VSIG1: variants seen among roughly 807,000 people sequenced by gnomAD.
The protein encoded by VSIG1 is V-set and immunoglobulin domain-containing protein 1.
In VSIG1, 11 loss-of-function variants were observed where a neutral mutation model predicts 20.1. The ratio of observed to expected loss-of-function variants is 0.55; its 90% CI spans 0.34 to 0.91. The LOEUF (loss-of-function observed/expected upper bound fraction) is 0.91, where lower values mean the gene tolerates loss of function less well. VSIG1 is among the 40% of genes least tolerant of loss of function. VSIG1 has a pLI of 0.02. For synonymous variants in VSIG1, 126 were observed against 116.7 expected, an observed-to-expected ratio of 1.08 and a Z score of -0.52; for missense variants, 283 against 298.8, an observed-to-expected ratio of 0.95 and a Z score of 0.39.
the VSIG1 span, among the ~76,000 whole-genome samples, chrX:108,024,569 T>C: frequency 3.6e-5 from 4 of 109,715 alleles, no homozygotes; most frequent in African/African-American, 1.3e-4. Context: ...CTTCTTTTTG[T>C]AATGTAGGTA....
rs566791842 is a variant in VSIG1 at position 108,047,445 on chromosome X, A to C, written c.49+2266A>C. Among the ~76,000 whole-genome samples the C allele has an allele frequency of 1.9e-4, 21 of 111,140 alleles. No individual in the cohort carries two copies. In the South Asian group the frequency reaches 7.9e-3, roughly 42 times the overall value. ...AATATGTATTAGTCACCTCTTAGAA[A>C]GATATGTTAATGTGGGTTTCATTTT... On this transcript the variant is annotated intron_variant, in intron 1 of 6. Coordinates refer to ENST00000217957, the MANE Select transcript of VSIG1 (RefSeq NM_182607.5).
rs760909535 is a variant in VSIG1 at position 108,049,014 on chromosome X, G to A, written c.49+3835G>A. ...CTGAAGCATATCATCACTATATCATGGTTGGACAATGTCTGAAAAACATCT... is the reference window on the plus strand; with the variant it reads ...CTGAAGCATATCATCACTATATCATAGTTGGACAATGTCTGAAAAACATCT... On this transcript the variant is annotated intron_variant, in intron 1 of 6. Transcript: ENST00000217957. Among the ~76,000 whole-genome samples, 11 of 112,198 alleles carry A rather than the reference G, an allele frequency of 9.8e-5. No individual in the cohort carries two copies. The Admixed American group carries it at 1.0e-3, about 11-fold the overall frequency.
chrX:108,048,520 T>C (rs1310266703), intron 1 of VSIG1, among the ~76,000 whole-genome samples: 1 of 112,332 alleles, frequency 8.9e-6, no homozygotes, highest in Admixed American at 9.4e-5. Context: ...GGACATTGCG[T>C]TCTTGGGTTT....
At chrX:108,046,980 T>A (rs1017122396) in intron 1 of VSIG1, among the ~76,000 whole-genome samples, 12 of 110,884 alleles carry the variant, frequency 1.1e-4, no homozygotes, top group Non-Finnish European at 2.1e-4. Context: ...GTATGCTCTA[T>A]TGTCGTTTGC....
upstream of VSIG1, chrX:108,044,898 C>T (rs924939991): frequency 3.5e-6 from 1 of 289,338 alleles, no homozygotes; most frequent in Non-Finnish European, 6.1e-6. Context: ...TTATTATTAA[C>T]ACAGTAGCAA....
intron 2 of VSIG1, 135 bp downstream of exon 2, chrX:108,058,336 G>A: frequency 1.7e-6 from 1 of 592,517 alleles, no homozygotes; most frequent in Non-Finnish European, 2.6e-6. Flanking sequence ...CAAAAAGTTT[G>A]AAGACAGCTG....
chrX:108,059,333 C>T (rs927630431), intron 2 of VSIG1, among the ~76,000 whole-genome samples: 2 of 111,272 alleles, frequency 1.8e-5, no homozygotes, highest in Admixed American at 1.9e-4. Flanking sequence ...GCTGAGTCCT[C>T]TGTTTACAAA....
the VSIG1 span, among the ~76,000 whole-genome samples, chrX:108,020,084 C>G: frequency 8.9e-6 from 1 of 112,406 alleles, no homozygotes; most frequent in African/African-American, 3.2e-5. Flanking sequence ...TGATTATCTA[C>G]TCACTATTTT....
the VSIG1 span, among the ~76,000 whole-genome samples, chrX:108,028,662 A>G: frequency 9.0e-6 from 1 of 111,479 alleles, no homozygotes; most frequent in Admixed American, 9.6e-5. Context: ...ATCAAGAAAA[A>G]GGCCTTTGGA....
chrX:108,071,961 G>A (rs992724248), intron 3 of VSIG1, among the ~76,000 whole-genome samples: 70 of 100,706 alleles, frequency 7.0e-4, no homozygotes, highest in African/African-American at 2.3e-3. Flanking sequence ...ATTTTAAAAA[G>A]AATAATAGGT....
chrX:108,044,099 A>G (rs148180542), upstream of VSIG1, among the ~76,000 whole-genome samples: 5 of 111,995 alleles, frequency 4.5e-5, no homozygotes, highest in South Asian at 1.9e-3. Context: ...AGCTGCTATG[A>G]TAGGCCAAAG....
At chrX:108,037,167 T>G in the VSIG1 span, among the ~76,000 whole-genome samples, 1 of 112,254 alleles carries the variant, frequency 8.9e-6, no homozygotes, top group East Asian at 2.8e-4. Context: ...ATAAATGAAT[T>G]AAAATCTTTA....
chrX:108,068,193 T>C (rs2031171140), intron 3 of VSIG1, among the ~76,000 whole-genome samples: 1 of 112,034 alleles, frequency 8.9e-6, no homozygotes, highest in African/African-American at 3.2e-5. Flanking sequence ...CCACTGCATC[T>C]ACCCACCTGG....
chrX:108,021,461 A>G, the VSIG1 span, among the ~76,000 whole-genome samples: 1 of 112,407 alleles, frequency 8.9e-6, no homozygotes, highest in African/African-American at 3.2e-5. Flanking sequence ...ATACTAGACC[A>G]TTATCAGATA....
intron 1 of VSIG1, among the ~76,000 whole-genome samples, chrX:108,047,891 CATATAT>C (rs769263352): frequency 4.7e-5 from 1 of 21,438 alleles, no homozygotes; most frequent in Non-Finnish European, 6.8e-5. Flanking sequence ...TATATACACA[CATATAT>C]ATATATACAC....
At chrX:108,051,296 C>T (rs753777706) in intron 1 of VSIG1, among the ~76,000 whole-genome samples, 174 of 111,095 alleles carry the variant, frequency 1.6e-3, no homozygotes, top group Non-Finnish European at 2.8e-3. Context: ...CAGTGCAGGG[C>T]GCCAGTAGAA....
At chrX:108,024,681 T>G in the VSIG1 span, among the ~76,000 whole-genome samples, 28 of 110,874 alleles carry the variant, frequency 2.5e-4, no homozygotes, top group African/African-American at 8.8e-4. Context: ...AAGTATTTTC[T>G]AGTTTACTTT....
upstream of VSIG1, among the ~76,000 whole-genome samples, chrX:108,040,728 C>T (rs995160984): frequency 8.0e-4 from 90 of 111,999 alleles, no homozygotes; most frequent in African/African-American, 2.9e-3. Flanking sequence ...GCAGCCTTAA[C>T]ATGGACAAGG....
At chrX:108,029,226 C>A in the VSIG1 span, among the ~76,000 whole-genome samples, 2 of 111,944 alleles carry the variant, frequency 1.8e-5, no homozygotes, top group Non-Finnish European at 3.8e-5. Context: ...TTTGCTAAAT[C>A]TAACAACTCT....
Sources: allele counts gnomAD v4.1 joint callset (sites outside exome capture counted in the v4.1 genomes callset), GRCh38; gene constraint gnomAD v4.1.1; transcripts MANE v1.5; gene names NCBI Gene and HGNC (gene_info 2026-07-23, HGNC 2026-07-21).